ACTR3C: variants seen among roughly 807,000 people sequenced by gnomAD.
The protein encoded by ACTR3C is actin related protein 3C, also known as actin-related protein 3C.
In ACTR3C, 18 loss-of-function variants were observed where a neutral mutation model predicts 26.3. That is an observed-to-expected ratio of 0.68 (90% confidence interval 0.47 to 1.01). The LOEUF (loss-of-function observed/expected upper bound fraction) is 1.01. ACTR3C is among the 50% of genes least tolerant of loss of function. The probability of loss-of-function intolerance (pLI) is 0.00; values close to 1 mark genes in which losing one functional copy is unlikely to be tolerated. For synonymous variants in ACTR3C, 55 were observed against 94.5 expected (o/e 0.58, Z 2.42); for missense variants, 184 against 250.7 (o/e 0.73, Z 1.80).
chr7:150,015,720 G>A, the ACTR3C span, among the ~76,000 whole-genome samples: 1 of 152,276 alleles, frequency 6.6e-6, no homozygotes, highest in East Asian at 1.9e-4. Context: ...ATGAACCAAG[G>A]CCCGCCTTTC....
At chr7:149,894,229 C>T in the ACTR3C span, among the ~76,000 whole-genome samples, 1 of 152,148 alleles carries the variant, frequency 6.6e-6, no homozygotes, top group South Asian at 2.1e-4. Flanking sequence ...TATCTCTCAA[C>T]CATATACAAA....
chr7:149,926,546 G>A, the ACTR3C span, among the ~76,000 whole-genome samples: 1 of 152,200 alleles, frequency 6.6e-6, no homozygotes, highest in Non-Finnish European at 1.5e-5. Context: ...GAGTCTCTGA[G>A]GAGCTTCCCT....
chr7:149,951,856 A>T, the ACTR3C span, among the ~76,000 whole-genome samples: 1,040 of 150,204 alleles, frequency 6.9e-3, 15 homozygotes, highest in African/African-American at 0.025. Context: ...GGCATCTTAG[A>T]ATTGTGCCCA....
chr7:150,129,004 C>T, the ACTR3C span, among the ~76,000 whole-genome samples: 299 of 150,700 alleles, frequency 2.0e-3, 1 homozygote, highest in Non-Finnish European at 2.3e-3. Context: ...TAAAGCTAGA[C>T]GTTATGGAGC....
chr7:150,280,207 G>C (rs1365260143), intron 6 of ACTR3C, among the ~76,000 whole-genome samples: 1 of 152,088 alleles, frequency 6.6e-6, no homozygotes, highest in African/African-American at 2.4e-5. Context: ...GAATCTCCCA[G>C]GGTGGGACCC....
chr7:149,908,729 T>C, the ACTR3C span, among the ~76,000 whole-genome samples: 6 of 152,258 alleles, frequency 3.9e-5, no homozygotes, highest in South Asian at 1.2e-3. Flanking sequence ...TCCTACTCTT[T>C]AGAAAACTGT....
the ACTR3C span, among the ~76,000 whole-genome samples, chr7:150,060,473 G>A: frequency 6.6e-6 from 1 of 152,240 alleles, no homozygotes; most frequent in South Asian, 2.1e-4. Context: ...AGCATCCTCC[G>A]TGATAGCACC....
chr7:150,309,992 T>G (rs1352498666), intron 1 of ACTR3C, among the ~76,000 whole-genome samples: 1 of 152,174 alleles, frequency 6.6e-6, no homozygotes, highest in Admixed American at 6.5e-5. Flanking sequence ...CCATAGCTGT[T>G]GTGGGTATTG....
At chr7:150,110,055 G>A in the ACTR3C span, among the ~76,000 whole-genome samples, 1 of 130,732 alleles carries the variant, frequency 7.6e-6, no homozygotes, top group Non-Finnish European at 1.6e-5. Context: ...GAGGCACGGC[G>A]GCCCTTGGAC....
chr7:150,164,766 TC>T, the ACTR3C span, among the ~76,000 whole-genome samples: 1 of 152,148 alleles, frequency 6.6e-6, no homozygotes, highest in Admixed American at 6.5e-5. Context: ...CTCTCAAATT[TC>T]TGGAATACAG....
chr7:149,949,195 C>CAT, the ACTR3C span, among the ~76,000 whole-genome samples: 599 of 142,212 alleles, frequency 4.2e-3, 56 homozygotes, highest in Middle Eastern at 0.01. Context: ...TGTGTATATA[C>CAT]ATATATACAC....
the ACTR3C span, among the ~76,000 whole-genome samples, chr7:150,026,953 G>A: frequency 6.6e-6 from 1 of 152,016 alleles, no homozygotes; most frequent in African/African-American, 2.4e-5. Flanking sequence ...AGAAATAAAT[G>A]CATTTATTTG....
chr7:150,316,966 T>G (rs894239189), intron 1 of ACTR3C, among the ~76,000 whole-genome samples: 10 of 152,168 alleles, frequency 6.6e-5, no homozygotes, highest in African/African-American at 1.2e-4. Context: ...AAAGTTTTGG[T>G]TTTTTTTCAC....
the ACTR3C span, among the ~76,000 whole-genome samples, chr7:150,153,170 T>C: frequency 2.6e-5 from 4 of 152,142 alleles, no homozygotes; most frequent in African/African-American, 9.7e-5. Flanking sequence ...GGGCGAGGAC[T>C]TCATGTGTAA....
At chr7:150,197,013 T>C in the ACTR3C span, among the ~76,000 whole-genome samples, 1 of 152,170 alleles carries the variant, frequency 6.6e-6, no homozygotes, top group Non-Finnish European at 1.5e-5. Context: ...CCAGTTGCAA[T>C]GAGTATTCAT....
chr7:150,141,016 T>C, the ACTR3C span, among the ~76,000 whole-genome samples: 2 of 152,246 alleles, frequency 1.3e-5, no homozygotes, highest in African/African-American at 4.8e-5. Context: ...CACATTCCCT[T>C]AAGACAAAGC....
At chr7:150,034,997 T>C in the ACTR3C span, among the ~76,000 whole-genome samples, 3,190 of 89,590 alleles carry the variant, frequency 0.036, 109 homozygotes, top group East Asian at 0.05. Flanking sequence ...CCCCCTCCTG[T>C]GATGGGGGTC....
chr7:149,987,090 A>T, the ACTR3C span, among the ~76,000 whole-genome samples: 1 of 138,050 alleles, frequency 7.2e-6, no homozygotes. Flanking sequence ...TCAGGGGTTT[A>T]GTGCCCTCCA....
the ACTR3C span, among the ~76,000 whole-genome samples, chr7:150,039,132 G>A: frequency 2.7e-5 from 4 of 149,814 alleles, no homozygotes; most frequent in South Asian, 4.2e-4. Context: ...TAGGATCAAC[G>A]ATCGGGGGTC....
Sources: gnomAD v4.1 joint callset for allele counts (sites outside exome capture counted in the v4.1 genomes callset) on GRCh38, gnomAD v4.1.1 for gene constraint, MANE v1.5 for transcripts, NCBI Gene and HGNC (gene_info 2026-07-23, HGNC 2026-07-21) for gene names.